The following PCDHGB7 variants were observed in gnomAD, a reference collection of about 807,000 sequenced individuals.
PCDHGB7 encodes protocadherin gamma-B7.
PCDHGB7 carries 37 observed loss-of-function variants against 61.4 expected under a neutral mutation model. The ratio of observed to expected loss-of-function variants is 0.60; its 90% CI spans 0.46 to 0.79. The LOEUF is 0.79. Among genes scored for constraint, PCDHGB7 ranks in the 30% least tolerant of loss-of-function variants. PCDHGB7 has a pLI of 0.00. For synonymous variants in PCDHGB7, 464 were observed against 503.5 expected (o/e 0.92, Z 1.05); for missense variants, 1,166 against 1,202.5 (o/e 0.97, Z 0.45).
In PCDHGB7 at chr5:141,477,854, C is replaced by G; in HGVS notation, c.2416-16953C>G. 3.1e-6 allele frequency: 5 copies of G among 1,614,098 alleles called. No individual in the cohort carries two copies. Among genetic ancestry groups the G allele is most frequent in the Non-Finnish European group, 4.2e-6 (5 of 1,180,004 alleles). ...GCCAGGTGGGAGCTCGGTGGAGATG[C>G]TGCCTCGAGGTACCTCAGCTGGCCA... On this transcript the variant is annotated intron_variant, in intron 1 of 3. Transcript: ENST00000398594. This position sits in a 1 kb window ranked among gnomAD's most constrained non-coding sequence, Gnocchi z 4.9.
At position 141,477,966 on chromosome 5, in the gene PCDHGB7, G is replaced by T; in HGVS notation, c.2416-16841G>T. 1 of 1,614,118 alleles carries T rather than the reference G, an allele frequency of 6.2e-7. No individual in the cohort carries two copies. The highest frequency in any genetic ancestry group is 8.5e-7 in the Non-Finnish European group (1 of 1,180,036). On this transcript the variant is annotated intron_variant, in intron 1 of 3. Coordinates refer to ENST00000398594, the MANE Select transcript of PCDHGB7 (RefSeq NM_018927.4). This position sits in a 1 kb window ranked among gnomAD's most constrained non-coding sequence, Gnocchi z 4.9. ...AGTCTCTTGGGATCCCCTAACCAGA[G>T]CCTTTTTGCCATAGGGCTGCACACT...
At position 141,491,369 on chromosome 5, in the gene PCDHGB7, CCTTT is replaced by C; in HGVS notation, c.2416-3435_2416-3432del. ...AGTCTCTTATCCCTAGTCACCTTCACCTTTCTGTCAGCGAAGTGCCTTCAGGGAA... is the reference window on the plus strand; with the variant it reads ...AGTCTCTTATCCCTAGTCACCTTCACCTGTCAGCGAAGTGCCTTCAGGGAA... On this transcript the variant is annotated intron_variant, in intron 1 of 3. Transcript: ENST00000398594. The surrounding 1 kb of genome is among the most constrained non-coding windows in gnomAD (Gnocchi z 6.9). 1 of 1,614,110 alleles carries C rather than the reference CCTTT, an allele frequency of 6.2e-7. No individual in the cohort carries two copies. Among genetic ancestry groups the C allele is most frequent in the Non-Finnish European group, 8.5e-7 (1 of 1,179,996 alleles).
intron 2 of PCDHGB7, among the ~76,000 whole-genome samples, chr5:141,505,050 T>C (rs1190927211): frequency 2.0e-5 from 3 of 152,130 alleles, no homozygotes; most frequent in Non-Finnish European, 4.4e-5. Context: ...TCATCCCAGC[T>C]ACTTGGGAGA....
At chr5:141,422,899 G>C (rs759972749) in intron 1 of PCDHGB7, 13 of 1,614,116 alleles carry the variant, frequency 8.1e-6, no homozygotes, top group Middle Eastern at 3.3e-4. Context: ...GGACCAGAAC[G>C]ACAATGCGCC....
rs1407774111 is a variant in PCDHGB7 at position 141,431,569 on chromosome 5, C to G, written c.2415+11295C>G. On this transcript the variant is annotated intron_variant, in intron 1 of 3. Transcript: ENST00000398594. The surrounding 1 kb of genome is among the most constrained non-coding windows in gnomAD (Gnocchi z 4.8). Reference sequence around the variant, plus strand: ...TTGTAGTCAACGCTACCGACCCTGACGAAGGAGTCAATGCGGAAGTGAGGT... The same window carrying G: ...TTGTAGTCAACGCTACCGACCCTGAGGAAGGAGTCAATGCGGAAGTGAGGT... 5.6e-6 allele frequency: 9 copies of G among 1,614,000 alleles called. No homozygotes were observed. Among genetic ancestry groups the G allele is most frequent in the African/African-American group, 2.7e-5 (2 of 74,932 alleles).
chr5:141,483,946 T>C (rs374723616), intron 1 of PCDHGB7, among the ~76,000 whole-genome samples: 127 of 148,696 alleles, frequency 8.5e-4, no homozygotes, highest in Non-Finnish European at 1.5e-3. Flanking sequence ...ACGGTGTGAA[T>C]TGTGTTGTGT....
rs1012728568 is a variant in PCDHGB7 at position 141,495,487 on chromosome 5, T to C, written c.2474+622T>C. Among the ~76,000 whole-genome samples, 22 of 152,328 alleles carry C rather than the reference T, an allele frequency of 1.4e-4. 1 individual carries two copies. The East Asian group carries it at 4.1e-3, about 28-fold the overall frequency. ...GGGGTCTCCGTGTCTCTGCCCCTTT[T>C]TCTTGAGTTTCCGTCTTTGCCACTT... On this transcript the variant is annotated intron_variant, in intron 2 of 3. Coordinates refer to ENST00000398594, the MANE Select transcript of PCDHGB7 (RefSeq NM_018927.4).
At chr5:141,428,114 C>CG in intron 1 of PCDHGB7, 2 of 1,607,202 alleles carry the variant, frequency 1.2e-6, no homozygotes, top group Non-Finnish European at 1.7e-6. Flanking sequence ...TGCAGGCCAT[C>CG]GAGCCCGGGC....
chr5:141,507,151 G>C (rs1423834553), intron 3 of PCDHGB7: 2 of 152,192 alleles, frequency 1.3e-5, no homozygotes, highest in African/African-American at 4.8e-5. Context: ...TATTACCTGA[G>C]CAGGATGAGA....
At position 141,432,225 on chromosome 5, in the gene PCDHGB7, A is replaced by T; in HGVS notation, c.2415+11951A>T. On this transcript the variant is annotated intron_variant, in intron 1 of 3. Transcript: ENST00000398594. This position sits in a 1 kb window ranked among gnomAD's most constrained non-coding sequence, Gnocchi z 6.0. ...TGTGAAGAGAACGCCCAGATCACTT[A>T]TTCCCTGGCTGAGAACACCATCCAA... The T allele has an allele frequency of 1.2e-6, 2 of 1,614,206 alleles. No individual in the cohort carries two copies. Among genetic ancestry groups the T allele is most frequent in the South Asian group, 2.2e-5 (2 of 91,080 alleles).
Position 141,489,179 on chromosome 5 carries a change from C to T in PCDHGB7, c.2416-5628C>T. ...AGACTTCAGCTGCTGCATTCCAAGC[C>T]CTGGGTCTACCTTGGAGACAGGACA... On this transcript the variant is annotated intron_variant, in intron 1 of 3. Coordinates refer to ENST00000398594, the MANE Select transcript of PCDHGB7 (RefSeq NM_018927.4). The surrounding 1 kb of genome is among the most constrained non-coding windows in gnomAD (Gnocchi z 4.5). The T allele has an allele frequency of 8.0e-7, 1 of 1,243,186 alleles. No individual in the cohort carries two copies. The highest frequency in any genetic ancestry group is 1.1e-6 in the Non-Finnish European group (1 of 890,032). The allele number at this position is 1,243,186 out of a possible 1,614,324, so 77.0% of individuals were successfully genotyped here. A position where few individuals can be genotyped will look rare whatever the true frequency, so the allele number is the denominator to read the frequency against.
Position 141,489,730 on chromosome 5 carries a change from A to G in PCDHGB7, c.2416-5077A>G. The stretch of plus-strand genomic sequence containing the variant: ...CAGTGCCCAGGATCCGGATGTGGGC[A>G]CCAATACTGTGAGCTTTTACACTCT... On this transcript the variant is annotated intron_variant, in intron 1 of 3. Coordinates refer to ENST00000398594, the MANE Select transcript of PCDHGB7 (RefSeq NM_018927.4). This position sits in a 1 kb window ranked among gnomAD's most constrained non-coding sequence, Gnocchi z 4.5. 6.2e-7 allele frequency: 1 copy of G among 1,614,182 alleles called. No homozygotes were observed. Among genetic ancestry groups the G allele is most frequent in the Non-Finnish European group, 8.5e-7 (1 of 1,180,020 alleles).
chr5:141,431,411 G>A lies in PCDHGB7; in HGVS notation c.2415+11137G>A. On this transcript the variant is annotated intron_variant, in intron 1 of 3. Coordinates refer to ENST00000398594, the MANE Select transcript of PCDHGB7 (RefSeq NM_018927.4). This position sits in a 1 kb window ranked among gnomAD's most constrained non-coding sequence, Gnocchi z 4.8. ...CCTGGTCCTTACGGCCTCCGACGGG[G>A]GCGACCCGGTGCGCACAGGCACCGC... 3 of 1,613,728 alleles carry A rather than the reference G, an allele frequency of 1.9e-6. No individual in the cohort carries two copies. The highest frequency in any genetic ancestry group is 2.5e-6 in the Non-Finnish European group (3 of 1,180,038).
At chr5:141,444,492 T>C (rs1052885639) in intron 1 of PCDHGB7, among the ~76,000 whole-genome samples, 1 of 152,122 alleles carries the variant, frequency 6.6e-6, no homozygotes, top group East Asian at 1.9e-4. Context: ...TTATATTGTG[T>C]AATACTTTGC....
At chr5:141,427,378 C>T in intron 1 of PCDHGB7, 1 of 458,520 alleles carries the variant, frequency 2.2e-6, no homozygotes, top group Non-Finnish European at 4.4e-6. Context: ...ACGGTGATCA[C>T]TCTGTTCAAA....
intron 1 of PCDHGB7, chr5:141,424,527 A>G (rs1164206187): frequency 1.3e-5 from 2 of 152,214 alleles, no homozygotes; most frequent in African/African-American, 2.4e-5. Flanking sequence ...GTAAATCCAT[A>G]TATAGAAATA....
intron 1 of PCDHGB7, among the ~76,000 whole-genome samples, chr5:141,439,635 C>T (rs1326926948): frequency 3.3e-5 from 5 of 152,274 alleles, no homozygotes; most frequent in Middle Eastern, 3.4e-3. Context: ...CCAGACATTC[C>T]GGCTTGGTGG....
chr5:141,422,226 G>A (rs766346054), intron 1 of PCDHGB7: 1 of 1,565,844 alleles, frequency 6.4e-7, no homozygotes, highest in East Asian at 2.2e-5. Flanking sequence ...CCACCACGAC[G>A]ATGTTGATCA....
At chr5:141,455,225 C>CA (rs2098817003) in intron 1 of PCDHGB7, among the ~76,000 whole-genome samples, 2 of 151,666 alleles carry the variant, frequency 1.3e-5, no homozygotes, top group South Asian at 2.1e-4. Context: ...AATGCTTTGA[C>CA]AAAAAATGTT....
Sources: allele counts gnomAD v4.1 joint callset (sites outside exome capture counted in the v4.1 genomes callset), GRCh38; gene constraint gnomAD v4.1.1; non-coding constraint Gnocchi (gnomAD v3.1); transcripts MANE v1.5; gene names NCBI Gene and HGNC (gene_info 2026-07-23, HGNC 2026-07-21).